FCGR1A: variants seen among roughly 807,000 people sequenced by gnomAD.
FCGR1A encodes the protein high affinity immunoglobulin gamma Fc receptor I.
Under a neutral mutation model 35.0 loss-of-function variants are expected in FCGR1A, and 13 were observed. The observed-to-expected ratio is 0.37, with a 90% CI of 0.24 to 0.59. FCGR1A has a LOEUF of 0.59. FCGR1A is among the 20% of genes least tolerant of loss of function. The pLI, the probability that FCGR1A is intolerant of heterozygous loss-of-function variation, is 0.71. For missense variants in FCGR1A, 227 were observed against 430.0 expected (o/e 0.53, Z 4.17); for synonymous variants, 91 against 164.7 (o/e 0.55, Z 3.43).
chr1:149,792,467 T>C (rs2091733029), downstream of FCGR1A: 4 of 1,048,174 alleles, frequency 3.8e-6, no homozygotes, highest in Middle Eastern at 4.5e-4. Context: ...CTGAACTATG[T>C]AAATGACTCT....
chr1:149,800,154 G>T, the FCGR1A span, among the ~76,000 whole-genome samples: 2 of 152,156 alleles, frequency 1.3e-5, no homozygotes, highest in South Asian at 4.2e-4. Flanking sequence ...TGGGTTTACT[G>T]GTTTATAACA....
chr1:149,792,701 G>C (rs1362115922), downstream of FCGR1A: 6 of 1,282,870 alleles, frequency 4.7e-6, no homozygotes, highest in Non-Finnish European at 6.1e-6. Context: ...TGCGGCGAAA[G>C]CTGTTGGGCG....
chr1:149,789,417 T>C (rs2091643163), intron 4 of FCGR1A, among the ~76,000 whole-genome samples: 1 of 149,986 alleles, frequency 6.7e-6, no homozygotes, highest in Non-Finnish European at 1.5e-5. Flanking sequence ...ATAATAATAA[T>C]AATGATGATA....
At chr1:149,789,017 A>G (rs1426254518) in intron 4 of FCGR1A, among the ~76,000 whole-genome samples, 2 of 151,898 alleles carry the variant, frequency 1.3e-5, no homozygotes, top group East Asian at 3.9e-4. Flanking sequence ...AACGGGCTAT[A>G]CTGTCCATCT....
downstream of FCGR1A, chr1:149,793,225 A>C (rs1553752419): frequency 7.9e-6 from 10 of 1,265,424 alleles, no homozygotes; most frequent in Admixed American, 7.3e-5. Flanking sequence ...GGCTTGTCGC[A>C]AGAGCAGCCG....
At chr1:149,784,319 T>G in intron 3 of FCGR1A, 62 bp downstream of exon 3, 1 of 1,611,312 alleles carries the variant, frequency 6.2e-7, no homozygotes, top group South Asian at 1.1e-5. Flanking sequence ...GTTCTCTCCT[T>G]TCTGGATGCC....
chr1:149,793,042 G>A (rs587734488), downstream of FCGR1A: 223 of 1,261,884 alleles, frequency 1.8e-4, 5 homozygotes, highest in East Asian at 0.014. Flanking sequence ...CAGCTCCCGG[G>A]CCCCGGCGCG....
At chr1:149,792,808 G>T, downstream of FCGR1A, 2 of 1,279,490 alleles carry the variant, frequency 1.6e-6, no homozygotes, top group Non-Finnish European at 2.0e-6. Context: ...TGTAGGAGTC[G>T]GTGGGCAGCA....
intron 3 of FCGR1A, 135 bp from the exon 4 acceptor site, chr1:149,788,231 A>G (rs1419696932): frequency 6.3e-7 from 1 of 1,598,130 alleles, no homozygotes; most frequent in African/African-American, 1.3e-5. Context: ...GAGGAACTGG[A>G]TATAGGCCTG....
chr1:149,792,991 A>G (rs2091749786), downstream of FCGR1A: 1 of 1,275,444 alleles, frequency 7.8e-7, no homozygotes, highest in African/African-American at 1.6e-5. Flanking sequence ...CGGCCTCCCC[A>G]GGCGCGTAGC....
chr1:149,797,657 G>A, the FCGR1A span, among the ~76,000 whole-genome samples: 2 of 152,130 alleles, frequency 1.3e-5, no homozygotes, highest in Admixed American at 1.3e-4. Context: ...GAGTGCAGTG[G>A]CATGATCTCA....
chr1:149,793,180 C>G (rs1255628896), downstream of FCGR1A: 273 of 1,278,502 alleles, frequency 2.1e-4, 1 homozygote, highest in African/African-American at 3.9e-3. Context: ...AACGGGAGGA[C>G]GGCGCTGGGC....
the FCGR1A span, among the ~76,000 whole-genome samples, chr1:149,798,901 C>T: frequency 6.6e-6 from 1 of 151,602 alleles, no homozygotes; most frequent in Non-Finnish European, 1.5e-5. Context: ...GTGTGACCCA[C>T]CATGTAAGCC....
Position 149,788,555 on chromosome 1 carries a change from A to G in FCGR1A, c.497A>G (p.Tyr166Cys), listed in dbSNP as rs782351424. ...LKTNISHNGT[Y>C]HCSGMGKHRY... Reference sequence around the variant, plus strand: ...ACCAACATAAGTCACAATGGCACCTACCATTGCTCAGGCATGGGAAAGCAT... The same window carrying G: ...ACCAACATAAGTCACAATGGCACCTGCCATTGCTCAGGCATGGGAAAGCAT... The change falls in exon 4 of 6, where the codon TAC becomes TGC. Residue 166 changes from tyrosine to cysteine, a missense_variant. Transcript: ENST00000369168. The G allele has an allele frequency of 5.0e-6, 8 of 1,613,960 alleles. No individual in the cohort carries two copies. The highest frequency in any genetic ancestry group is 6.8e-6 in the Non-Finnish European group (8 of 1,179,866).
At chr1:149,800,037 G>A in the FCGR1A span, among the ~76,000 whole-genome samples, 2 of 151,766 alleles carry the variant, frequency 1.3e-5, no homozygotes, top group Admixed American at 1.3e-4. Context: ...TCCAAGTCTG[G>A]GCCTCCAGAA....
rs587596112 is a variant in FCGR1A at position 149,791,550 on chromosome 1, C to T, written c.*33C>T. 12 of 1,609,772 alleles carry T rather than the reference C, an allele frequency of 7.5e-6. No individual in the cohort carries two copies. Among genetic ancestry groups the T allele is most frequent in the Middle Eastern group, 2.3e-4 (1 of 4,414 alleles). ...TCAGTGGGTGGCCATCGATCTGGAC[C>T]GTCCCCTGCCCACTTGCTCCCCGTG... On this transcript the variant is annotated 3_prime_UTR_variant, in exon 6 of 6. Coordinates refer to ENST00000369168, the MANE Select transcript of FCGR1A (RefSeq NM_000566.4).
At chr1:149,796,008 C>T (rs2091796525), downstream of FCGR1A, among the ~76,000 whole-genome samples, 1 of 151,588 alleles carries the variant, frequency 6.6e-6, no homozygotes, top group Non-Finnish European at 1.5e-5. Flanking sequence ...AAAATCTGGT[C>T]TTGCATAAGG....
chr1:149,788,731 T>C, intron 4 of FCGR1A, 114 bp downstream of exon 4: 1 of 1,257,826 alleles, frequency 8.0e-7, no homozygotes, highest in Non-Finnish European at 1.1e-6. Flanking sequence ...TCCAGAGAGG[T>C]AAACTGCATT....
At chr1:149,792,594 C>T (rs587649794), downstream of FCGR1A, 13 of 1,204,010 alleles carry the variant, frequency 1.1e-5, no homozygotes, top group Admixed American at 3.7e-4. Flanking sequence ...GAGCGTGTCC[C>T]GCGGCGGGCC....
Sources: gnomAD v4.1 joint callset for allele counts (sites outside exome capture counted in the v4.1 genomes callset) on GRCh38, gnomAD v4.1.1 for gene constraint, MANE v1.5 for transcripts, NCBI Gene and HGNC (gene_info 2026-07-23, HGNC 2026-07-21) for gene names.